The following CA10 variants were observed in gnomAD, a reference collection of about 807,000 sequenced individuals.
CA10 encodes the protein carbonic anhydrase 10 (inactive).
In CA10, 14 loss-of-function variants were observed where a neutral mutation model predicts 44.2. The observed-to-expected ratio is 0.32, with a 90% CI of 0.21 to 0.50. CA10 has a LOEUF of 0.50. CA10 is among the 20% of genes least tolerant of loss of function. The pLI is 0.99. For synonymous variants in CA10, 159 were observed against 141.6 expected (o/e 1.12, Z -0.87); for missense variants, 350 against 409.7 (o/e 0.85, Z 1.26).
chr17:51,912,618 A>G (rs561472922), intron 3 of CA10, among the ~76,000 whole-genome samples: 1 of 152,362 alleles, frequency 6.6e-6, no homozygotes, highest in East Asian at 1.9e-4. Flanking sequence ...TTCAAATACC[A>G]GTATTTCAGA....
intron 3 of CA10, among the ~76,000 whole-genome samples, chr17:51,928,211 T>G (rs1330446289): frequency 6.6e-6 from 1 of 152,160 alleles, no homozygotes; most frequent in Non-Finnish European, 1.5e-5. Context: ...CTGAAGGTAA[T>G]TATATACAAT....
chr17:51,775,323 C>G (rs938433450), intron 3 of CA10, among the ~76,000 whole-genome samples: 3 of 152,150 alleles, frequency 2.0e-5, no homozygotes, highest in African/African-American at 7.2e-5. Context: ...ATGGTGTGGA[C>G]AATGCTCTCA....
At chr17:52,106,951 T>C (rs1233440314) in intron 1 of CA10, among the ~76,000 whole-genome samples, 4 of 152,204 alleles carry the variant, frequency 2.6e-5, no homozygotes, top group Admixed American at 2.0e-4. Flanking sequence ...CAAGGTCAAT[T>C]ATGAGTACGG....
chr17:52,066,731 T>TA lies in CA10; in HGVS notation c.136+5587dup, dbSNP rs202124534. On this transcript the variant is annotated intron_variant, in intron 2 of 8. Coordinates refer to ENST00000451037, the MANE Select transcript of CA10 (RefSeq NM_020178.5). The stretch of plus-strand genomic sequence containing the variant: ...GAGAACAGATTAACACAGATGAAGA[T>TA]AAAAAAACTTGTTGGAAACGGGTAT... 9.3e-4 allele frequency among the ~76,000 whole-genome samples: 142 copies of TA among 152,268 alleles called. 2 individuals carry two copies. The East Asian group carries it at 0.019, about 20-fold the overall frequency.
chr17:51,709,873 G>T (rs1271052206), intron 4 of CA10, among the ~76,000 whole-genome samples: 1 of 152,218 alleles, frequency 6.6e-6, no homozygotes, highest in Admixed American at 6.5e-5. Flanking sequence ...CTTGCTGCGT[G>T]CAGTGGCATT....
intron 3 of CA10, among the ~76,000 whole-genome samples, chr17:51,871,558 T>C (rs529239436): frequency 2.0e-5 from 3 of 151,700 alleles, no homozygotes; most frequent in Non-Finnish European, 4.4e-5. Flanking sequence ...GTAATTTTTG[T>C]ATTTTTAGTT....
At chr17:51,884,350 C>A (rs1231682311) in intron 3 of CA10, among the ~76,000 whole-genome samples, 2 of 152,118 alleles carry the variant, frequency 1.3e-5, no homozygotes, top group African/African-American at 4.8e-5. Flanking sequence ...TCCTTGCAAT[C>A]CCTCTCACCT....
intron 4 of CA10, among the ~76,000 whole-genome samples, chr17:51,733,269 C>T (rs1916784440): frequency 6.6e-6 from 1 of 152,168 alleles, no homozygotes; most frequent in Non-Finnish European, 1.5e-5. Context: ...CCCAAATTGC[C>T]ACACGCTCCA....
intron 1 of CA10, among the ~76,000 whole-genome samples, chr17:52,099,465 T>C (rs764054919): frequency 2.0e-5 from 3 of 152,208 alleles, no homozygotes; most frequent in Non-Finnish European, 2.9e-5. Context: ...CTACTTTTTC[T>C]GTTTGTTTTT....
intron 3 of CA10, among the ~76,000 whole-genome samples, chr17:51,891,871 T>A (rs1413035487): frequency 6.6e-6 from 1 of 152,090 alleles, no homozygotes; most frequent in East Asian, 1.9e-4. Flanking sequence ...GGAGGGCCAA[T>A]CCCCTCCCAA....
At chr17:52,065,474 G>A (rs1431072400) in intron 2 of CA10, among the ~76,000 whole-genome samples, 3 of 152,154 alleles carry the variant, frequency 2.0e-5, no homozygotes, top group East Asian at 3.9e-4. Flanking sequence ...TGCATGGAAG[G>A]CCTGAGGTAT....
chr17:52,134,509 G>A (rs569634119), intron 1 of CA10, among the ~76,000 whole-genome samples: 37 of 151,870 alleles, frequency 2.4e-4, no homozygotes, highest in Non-Finnish European at 4.7e-4. Context: ...ACATGATTTC[G>A]GTAAGAATTG....
chr17:51,657,145 G>T (rs867233460), intron 4 of CA10, among the ~76,000 whole-genome samples: 1 of 152,178 alleles, frequency 6.6e-6, no homozygotes, highest in African/African-American at 2.4e-5. Context: ...GTATGTTTGT[G>T]TGCTGAAGAG....
At chr17:51,763,533 AG>A (rs1264282868) in intron 3 of CA10, 1 of 152,222 alleles carries the variant, frequency 6.6e-6, no homozygotes, top group Non-Finnish European at 1.5e-5. Context: ...ATAAACCCAG[AG>A]GGTCCAAATG....
chr17:51,777,453 C>T (rs1905867700), intron 3 of CA10, among the ~76,000 whole-genome samples: 1 of 152,064 alleles, frequency 6.6e-6, no homozygotes. Flanking sequence ...TTTTTTTGTA[C>T]AAGAGTTCTG....
Position 51,633,534 on chromosome 17 carries a change from G to A in CA10, c.906C>T (p.Asn302=). The A allele has an allele frequency of 6.2e-7, 1 of 1,614,066 alleles. No homozygotes were observed. Among genetic ancestry groups the A allele is most frequent in the South Asian group, 1.1e-5 (1 of 91,048 alleles). Residue 302 remains asparagine, a synonymous_variant, in exon 8 of 9, where the codon AAC becomes AAT. Transcript: ENST00000451037. The part of the protein sequence containing the change: ...LNNRCIRTNI[N]FSLQGKDCPN... ...GACAGTCCTTCCCCTGTAAACTGAA[G>A]TTGATATTGGTGCGGATGCAGCGGT...
intron 3 of CA10, among the ~76,000 whole-genome samples, chr17:51,822,622 T>C (rs1328063791): frequency 6.6e-6 from 1 of 152,200 alleles, no homozygotes; most frequent in Non-Finnish European, 1.5e-5. Flanking sequence ...TCAGTATTTC[T>C]AGTAACTGTA....
intron 2 of CA10, among the ~76,000 whole-genome samples, chr17:52,016,906 C>G (rs1316825769): frequency 6.6e-6 from 1 of 152,034 alleles, no homozygotes; most frequent in Non-Finnish European, 1.5e-5. Context: ...GAATGAGGCT[C>G]CATCTCAAAA....
At chr17:51,749,450 T>A (rs143176181) in intron 3 of CA10, among the ~76,000 whole-genome samples, 1 of 152,300 alleles carries the variant, frequency 6.6e-6, no homozygotes, top group Non-Finnish European at 1.5e-5. Context: ...AGGAGAGCCA[T>A]CCCAGGAGAG....
Sources: allele counts gnomAD v4.1 joint callset (sites outside exome capture counted in the v4.1 genomes callset), GRCh38; gene constraint gnomAD v4.1.1; transcripts MANE v1.5; gene names NCBI Gene and HGNC (gene_info 2026-07-23, HGNC 2026-07-21).